The following TDP1 variants were observed in gnomAD, a reference collection of about 807,000 sequenced individuals.
TDP1 encodes tyrosyl-DNA phosphodiesterase 1, also known as tyr-DNA phosphodiesterase 1.
Under a neutral mutation model 81.5 loss-of-function variants are expected in TDP1, and 64 were observed. The ratio of observed to expected loss-of-function variants is 0.79; its 90% CI spans 0.64 to 0.97. The LOEUF (loss-of-function observed/expected upper bound fraction) is 0.97. Ranked by LOEUF, TDP1 falls within the 50% of genes least tolerant of loss-of-function variation. The pLI, the probability that TDP1 is intolerant of heterozygous loss-of-function variation, is 0.00. For synonymous variants in TDP1, 256 were observed against 264.3 expected, an observed-to-expected ratio of 0.97 and a Z score of 0.30; for missense variants, 723 against 743.8, an observed-to-expected ratio of 0.97 and a Z score of 0.33.
At chr14:90,005,514 G>A (rs749930799) in intron 14 of TDP1, among the ~76,000 whole-genome samples, 1 of 152,094 alleles carries the variant, frequency 6.6e-6, no homozygotes, top group African/African-American at 2.4e-5. Context: ...CCTCACCTTT[G>A]TGAGGTGCAT....
intron 8 of TDP1, among the ~76,000 whole-genome samples, chr14:89,981,761 C>T (rs1048344207): frequency 6.6e-6 from 1 of 152,246 alleles, no homozygotes; most frequent in African/African-American, 2.4e-5. Flanking sequence ...TCACGGCTCA[C>T]TTTAACCTCA....
chr14:90,019,923 A>C (rs1434478654), intron 15 of TDP1, among the ~76,000 whole-genome samples: 2 of 152,150 alleles, frequency 1.3e-5, no homozygotes, highest in Non-Finnish European at 2.9e-5. Flanking sequence ...TGGGAAGCAG[A>C]GATTGGTTCA....
Position 90,043,165 on chromosome 14 carries a change from T to C in TDP1, c.*22T>C. 1 of 1,614,172 alleles carries C rather than the reference T, an allele frequency of 6.2e-7. No individual in the cohort carries two copies. The highest frequency in any genetic ancestry group is 8.5e-7 in the Non-Finnish European group (1 of 1,180,014). Reference sequence around the variant, plus strand: ...CTGAGAATCTTGAGGCACTGTGAAATTTAAGTGTAAGACATTGAGCCACAA... The same window carrying C: ...CTGAGAATCTTGAGGCACTGTGAAACTTAAGTGTAAGACATTGAGCCACAA... On this transcript the variant is annotated 3_prime_UTR_variant, in exon 17 of 17. Transcript: ENST00000335725.
chr14:89,982,342 T>C (rs1776399163), intron 8 of TDP1, among the ~76,000 whole-genome samples: 2 of 152,186 alleles, frequency 1.3e-5, no homozygotes, highest in South Asian at 4.1e-4. Context: ...GAATTTATGG[T>C]TAACTATGCC....
upstream of TDP1, chr14:89,955,092 A>G (rs183879376): frequency 3.6e-5 from 6 of 165,236 alleles, no homozygotes; most frequent in East Asian, 1.1e-3. Flanking sequence ...ATAGGAGACA[A>G]AAAGACTGTG....
intron 15 of TDP1, among the ~76,000 whole-genome samples, chr14:90,019,786 G>GAC (rs1469844765): frequency 3.3e-5 from 5 of 152,200 alleles, no homozygotes; most frequent in Admixed American, 1.3e-4. Flanking sequence ...AGGTAGGGGT[G>GAC]ACTGGAGGAT....
chr14:89,979,749 T>G (rs1894766366), intron 7 of TDP1, among the ~76,000 whole-genome samples: 1 of 152,144 alleles, frequency 6.6e-6, no homozygotes, highest in African/African-American at 2.4e-5. Context: ...AGTCTGGAGC[T>G]CAGGTCTTCA....
chr14:90,042,811 T>A (rs775089582), intron 16 of TDP1: 1 of 928,170 alleles, frequency 1.1e-6, no homozygotes, highest in Non-Finnish European at 1.3e-6. Context: ...GTGGGAATTA[T>A]GAGAGCTGCA....
At chr14:89,993,930 T>A (rs1214083150) in intron 14 of TDP1, among the ~76,000 whole-genome samples, 1 of 152,218 alleles carries the variant, frequency 6.6e-6, no homozygotes, top group Non-Finnish European at 1.5e-5. Flanking sequence ...ATCTGCCCAT[T>A]AAGTCTCTAC....
At chr14:89,959,278 A>G (rs549517649) in intron 2 of TDP1, among the ~76,000 whole-genome samples, 14 of 152,386 alleles carry the variant, frequency 9.2e-5, no homozygotes, top group Admixed American at 6.5e-4. Context: ...ATGATAAACA[A>G]TTGAAGGAAA....
At chr14:90,041,238 T>C (rs933993679) in intron 16 of TDP1, among the ~76,000 whole-genome samples, 1 of 152,212 alleles carries the variant, frequency 6.6e-6, no homozygotes, top group African/African-American at 2.4e-5. Context: ...AAGGGCTTGC[T>C]GAGGCCAATG....
At chr14:89,976,100 A>G (rs986689915) in intron 7 of TDP1, among the ~76,000 whole-genome samples, 1 of 152,146 alleles carries the variant, frequency 6.6e-6, no homozygotes, top group Admixed American at 6.5e-5. Flanking sequence ...TCTAACTTTA[A>G]TTAATATATA....
At chr14:89,992,589 CTG>C (rs1351127030) in intron 13 of TDP1, among the ~76,000 whole-genome samples, 4 of 152,202 alleles carry the variant, frequency 2.6e-5, no homozygotes, top group Admixed American at 1.3e-4. Context: ...TAGCTTTCAA[CTG>C]TAAGTCAGTG....
intron 2 of TDP1, chr14:89,958,151 G>A (rs1007047567): frequency 6.6e-6 from 1 of 152,274 alleles, no homozygotes; most frequent in African/African-American, 2.4e-5. Flanking sequence ...ATGCAGTAGT[G>A]CCCAAACACT....
chr14:89,984,173 A>C (rs1054617677), intron 8 of TDP1: 16 of 985,294 alleles, frequency 1.6e-5, no homozygotes, highest in Non-Finnish European at 1.7e-5. Context: ...AACTCTTGTC[A>C]TCAAGTCTTA....
chr14:90,001,989 T>C (rs1272226107), intron 14 of TDP1, among the ~76,000 whole-genome samples: 1 of 152,208 alleles, frequency 6.6e-6, no homozygotes, highest in Non-Finnish European at 1.5e-5. Flanking sequence ...TTTTTCTGCT[T>C]AGCATCTAAC....
rs1895884419 is a variant in TDP1, at chr14:89,989,071, G to A, written c.1298G>A (p.Ser433Asn). Residue 433 changes from serine to asparagine, a missense_variant, in exon 11 of 17, where the codon AGC (serine) becomes AAC (asparagine). Ser to Asn is a conservative substitution (Grantham distance 46). Coordinates refer to ENST00000335725, the MANE Select transcript of TDP1 (RefSeq NM_018319.4). ...AAGGAAAGCAAGACTCCAGGAAAAAGCTCTGTTCCTCTTTACTTGGTGAGT... is the reference window on the plus strand; with the variant it reads ...AAGGAAAGCAAGACTCCAGGAAAAAACTCTGTTCCTCTTTACTTGGTGAGT... The part of the protein sequence containing the change: ...LGKESKTPGK[S>N]SVPLYLIYPS... 5 of 1,613,958 alleles carry A rather than the reference G, an allele frequency of 3.1e-6. No homozygotes were observed. The highest frequency in any genetic ancestry group is 2.7e-5 in the African/African-American group (2 of 75,020).
At chr14:89,965,919 T>C (rs1486963327) in intron 3 of TDP1, 27 of 972,228 alleles carry the variant, frequency 2.8e-5, no homozygotes, top group Non-Finnish European at 3.2e-5. Flanking sequence ...GTTGTAGATT[T>C]TGGTTTTGCA....
At chr14:89,997,452 C>T (rs1896732865) in intron 14 of TDP1, among the ~76,000 whole-genome samples, 1 of 152,120 alleles carries the variant, frequency 6.6e-6, no homozygotes, top group African/African-American at 2.4e-5. Context: ...AACTGGCCTA[C>T]CACAGTGGGA....
Sources: gnomAD v4.1 joint callset for allele counts (sites outside exome capture counted in the v4.1 genomes callset) on GRCh38, gnomAD v4.1.1 for gene constraint, MANE v1.5 for transcripts, NCBI Gene and HGNC (gene_info 2026-07-23, HGNC 2026-07-21) for gene names.